The following CCBE1 variants were observed in gnomAD, a reference collection of about 807,000 sequenced individuals.
CCBE1 encodes collagen and calcium-binding EGF domain-containing protein 1.
Under a neutral mutation model 50.0 loss-of-function variants are expected in CCBE1, and 37 were observed. That is an observed-to-expected ratio of 0.74 (90% CI 0.57 to 0.97). CCBE1 has a LOEUF of 0.97. Among genes scored for constraint, CCBE1 ranks in the 50% least tolerant of loss-of-function variants. The pLI is 0.00. For synonymous variants in CCBE1, 234 were observed against 203.7 expected (o/e 1.15, Z -1.27); for missense variants, 538 against 523.8 (o/e 1.03, Z -0.26).
At chr18:59,505,235 T>C (rs1913815834) in intron 2 of CCBE1, among the ~76,000 whole-genome samples, 2 of 152,250 alleles carry the variant, frequency 1.3e-5, no homozygotes, top group Admixed American at 6.5e-5. Context: ...CAGTGACTAC[T>C]GTGTTCCTCT....
chr18:59,578,678 C>G (rs1334485981), intron 2 of CCBE1, among the ~76,000 whole-genome samples: 1 of 150,258 alleles, frequency 6.7e-6, no homozygotes, highest in African/African-American at 2.5e-5. Context: ...TCATTCTCAG[C>G]AAACTGACAC....
chr18:59,636,539 A>G (rs1388667651), intron 2 of CCBE1, among the ~76,000 whole-genome samples: 1 of 152,270 alleles, frequency 6.6e-6, no homozygotes, highest in Non-Finnish European at 1.5e-5. Flanking sequence ...ACTTACAGTC[A>G]AAAGTCACAA....
rs560009759 is a variant in CCBE1, at chr18:59,573,177, C to T, written c.213-92939G>A. Among the ~76,000 whole-genome samples, 597 of 150,742 alleles carry T rather than the reference C, an allele frequency of 4.0e-3. 4 individuals are homozygous for T. The highest frequency in any genetic ancestry group is 5.2e-3 in the Non-Finnish European group (349 of 67,672). ...GTGCGCACCTGTAATCCTAGCTACTCGGGAGGCTGAGGCACCAGAATCGCT... is the reference window on the plus strand; with the variant it reads ...GTGCGCACCTGTAATCCTAGCTACTTGGGAGGCTGAGGCACCAGAATCGCT... On this transcript the variant is annotated intron_variant, in intron 2 of 10. Transcript: ENST00000439986.
intron 2 of CCBE1, among the ~76,000 whole-genome samples, chr18:59,573,284 A>AATAT (rs71336346): frequency 0.42 from 39,019 of 93,466 alleles, 10,026 homozygotes; most frequent in East Asian, 0.62. Context: ...GACTCCGTCT[A>AATAT]ATATATATAT....
At chr18:59,676,778 G>A (rs2054509742) in intron 2 of CCBE1, among the ~76,000 whole-genome samples, 1 of 152,210 alleles carries the variant, frequency 6.6e-6, no homozygotes, top group Non-Finnish European at 1.5e-5. Flanking sequence ...AGTGTCAGTG[G>A]TGGAGTTTGG....
chr18:59,455,171 G>C (rs1380477540), intron 5 of CCBE1: 1 of 647,432 alleles, frequency 1.5e-6, no homozygotes, highest in Non-Finnish European at 2.8e-6. Context: ...TAGAAGCTGG[G>C]CTCAGCTGTT....
intron 2 of CCBE1, among the ~76,000 whole-genome samples, chr18:59,588,568 G>C (rs1000916154): frequency 1.3e-5 from 2 of 152,096 alleles, no homozygotes; most frequent in Non-Finnish European, 2.9e-5. Flanking sequence ...TTTTTGACTG[G>C]TTTAACTCTT....
chr18:59,534,711 C>T (rs1188390448), intron 2 of CCBE1, among the ~76,000 whole-genome samples: 1 of 152,158 alleles, frequency 6.6e-6, no homozygotes, highest in African/African-American at 2.4e-5. Context: ...TTTCTGATGT[C>T]CACTGTAGAG....
chr18:59,616,182 T>G (rs1230834770), intron 2 of CCBE1, among the ~76,000 whole-genome samples: 1 of 151,970 alleles, frequency 6.6e-6, no homozygotes, highest in African/African-American at 2.4e-5. Flanking sequence ...GTCAAACCAG[T>G]GAGGGCTGCT....
intron 2 of CCBE1, among the ~76,000 whole-genome samples, chr18:59,505,208 C>A (rs1045192772): frequency 1.3e-5 from 2 of 152,102 alleles, no homozygotes; most frequent in Admixed American, 1.3e-4. Flanking sequence ...CACATTCAAA[C>A]CATTTATAGT....
At chr18:59,682,916 T>C (rs990007095) in intron 2 of CCBE1, among the ~76,000 whole-genome samples, 3 of 152,192 alleles carry the variant, frequency 2.0e-5, no homozygotes, top group African/African-American at 7.2e-5. Flanking sequence ...CAGAGTTCTT[T>C]CTTCTTGTGC....
At chr18:59,663,922 C>T (rs2054319287) in intron 2 of CCBE1, among the ~76,000 whole-genome samples, 1 of 152,148 alleles carries the variant, frequency 6.6e-6, no homozygotes, top group Non-Finnish European at 1.5e-5. Context: ...GGAGGAGGAA[C>T]AACAGCAGGA....
intron 2 of CCBE1, among the ~76,000 whole-genome samples, chr18:59,536,728 A>C (rs1239927710): frequency 6.6e-6 from 1 of 152,110 alleles, no homozygotes; most frequent in Non-Finnish European, 1.5e-5. Context: ...AATGGCTGAC[A>C]TCTGTAATCT....
chr18:59,446,568 G>A (rs772287122), intron 7 of CCBE1, among the ~76,000 whole-genome samples: 2 of 151,704 alleles, frequency 1.3e-5, no homozygotes, highest in Non-Finnish European at 2.9e-5. Flanking sequence ...GCTTGTGTTT[G>A]AAGAGTTTAA....
In CCBE1 at chr18:59,649,816, G is replaced by A. The variant is rs77316844; in HGVS notation, c.212+46813C>T. Among the ~76,000 whole-genome samples, 492 of 152,336 alleles carry A rather than the reference G, an allele frequency of 3.2e-3. 2 individuals are homozygous for A. The highest frequency in any genetic ancestry group is 0.011 in the African/African-American group (448 of 41,570). On this transcript the variant is annotated intron_variant, in intron 2 of 10. Transcript: ENST00000439986. ...CCAGCACTCACAGAGCTCATGTTAC[G>A]GGCTGGGGCCATCCCAGTTTAGGTG... is the stretch of plus-strand genomic sequence containing the variant.
intron 2 of CCBE1, among the ~76,000 whole-genome samples, chr18:59,532,445 G>A (rs1427828769): frequency 1.3e-5 from 2 of 152,218 alleles, no homozygotes; most frequent in Admixed American, 1.3e-4. Context: ...ACAGCACTAG[G>A]CAATGTGGAC....
At chr18:59,514,139 C>T (rs1914258884) in intron 2 of CCBE1, among the ~76,000 whole-genome samples, 2 of 152,174 alleles carry the variant, frequency 1.3e-5, no homozygotes, top group African/African-American at 4.8e-5. Context: ...AGGGAGGGAC[C>T]AATTCTGCAT....
chr18:59,508,044 A>AC (rs1208724475), intron 2 of CCBE1, among the ~76,000 whole-genome samples: 8 of 151,674 alleles, frequency 5.3e-5, no homozygotes, highest in African/African-American at 1.9e-4. Context: ...GGAAGCAAGC[A>AC]CCACACCCAG....
At chr18:59,673,406 C>T (rs916737194) in intron 2 of CCBE1, among the ~76,000 whole-genome samples, 1 of 152,174 alleles carries the variant, frequency 6.6e-6, no homozygotes, top group East Asian at 1.9e-4. Context: ...AGCCAAGATC[C>T]CACCACTGCA....
Sources: allele counts gnomAD v4.1 joint callset (sites outside exome capture counted in the v4.1 genomes callset), GRCh38; gene constraint gnomAD v4.1.1; transcripts MANE v1.5; gene names NCBI Gene and HGNC (gene_info 2026-07-23, HGNC 2026-07-21).